The following ZCCHC10 variants were observed in gnomAD, a reference collection of about 807,000 sequenced individuals.
The protein encoded by ZCCHC10 is zinc finger CCHC-type containing 10.
In ZCCHC10, 16 loss-of-function variants were observed where a neutral mutation model predicts 19.5. The observed-to-expected ratio is 0.82, with a 90% CI of 0.56 to 1.25. The LOEUF (loss-of-function observed/expected upper bound fraction) is 1.25, where lower values mean the gene tolerates loss of function less well. Among genes scored for constraint, ZCCHC10 ranks in the 50% most tolerant of loss-of-function variants. ZCCHC10 has a pLI of 0.00. For missense variants in ZCCHC10, 197 were observed against 201.0 expected, an observed-to-expected ratio of 0.98 and a Z score of 0.12; for synonymous variants, 67 against 72.5, an observed-to-expected ratio of 0.92 and a Z score of 0.38.
At chr5:133,007,404 G>A (rs937658219) in intron 2 of ZCCHC10, among the ~76,000 whole-genome samples, 4 of 152,054 alleles carry the variant, frequency 2.6e-5, no homozygotes, top group Admixed American at 6.6e-5. Flanking sequence ...TTAGCCAAGC[G>A]TGGTGGTGGG....
chr5:133,008,343 G>A (rs1284717392), intron 2 of ZCCHC10, among the ~76,000 whole-genome samples: 1 of 149,352 alleles, frequency 6.7e-6, no homozygotes, highest in Admixed American at 6.7e-5. Flanking sequence ...TTTGAGACCA[G>A]CCTGGCCAAC....
At chr5:133,025,613 T>C (rs1235888880) in intron 1 of ZCCHC10, among the ~76,000 whole-genome samples, 1 of 151,810 alleles carries the variant, frequency 6.6e-6, no homozygotes, top group Admixed American at 6.6e-5. Context: ...TCATTAGGCG[T>C]AATGGCTATC....
At chr5:133,010,206 G>A (rs777773072) in intron 2 of ZCCHC10, among the ~76,000 whole-genome samples, 1 of 151,938 alleles carries the variant, frequency 6.6e-6, no homozygotes, top group Non-Finnish European at 1.5e-5. Flanking sequence ...ACACCACCAC[G>A]CACGGCTAAT....
Position 133,026,511 on chromosome 5 carries a change from T to C in ZCCHC10, c.27A>G (p.Ile9Met), listed in dbSNP as rs752415945. The stretch of plus-strand genomic sequence containing the variant: ...TCCTTACTTACGCTTGTCTCCGGGC[T>C]ATTAGCCGATGCATGGGAGTCGCCA... MATPMHRL[I>M]ARRQAFDTEL... is the part of the protein sequence containing the mutation. Residue 9 changes from isoleucine to methionine, a missense_variant, in exon 1 of 5, where the codon ATA becomes ATG. Physicochemically the swap from Ile to Met is conservative, Grantham distance 10. Coordinates refer to ENST00000509437, the MANE Select transcript of ZCCHC10 (RefSeq NM_001300816.3). 1 of 1,613,774 alleles carries C rather than the reference T, an allele frequency of 6.2e-7. No homozygotes were observed. The highest frequency in any genetic ancestry group is 1.1e-5 in the South Asian group (1 of 90,958).
chr5:133,006,976 C>A, intron 2 of ZCCHC10, 56 bp from the exon 3 acceptor site: 1 of 1,462,006 alleles, frequency 6.8e-7, no homozygotes, highest in Non-Finnish European at 9.1e-7. Flanking sequence ...GACTTTCACC[C>A]TAAAAACTAT....
chr5:133,025,348 CA>C (rs1395876882), intron 1 of ZCCHC10, among the ~76,000 whole-genome samples: 3 of 150,684 alleles, frequency 2.0e-5, no homozygotes, highest in African/African-American at 7.3e-5. Context: ...ACTAAAAATA[CA>C]AAAAACCAGC....
At chr5:133,022,414 G>T (rs369433858) in intron 2 of ZCCHC10, among the ~76,000 whole-genome samples, 2 of 151,540 alleles carry the variant, frequency 1.3e-5, no homozygotes, top group African/African-American at 4.8e-5. Flanking sequence ...TGACAATATA[G>T]AGAGAGATCC....
chr5:133,021,863 G>A (rs564278747), intron 2 of ZCCHC10, among the ~76,000 whole-genome samples: 10 of 150,572 alleles, frequency 6.6e-5, no homozygotes, highest in South Asian at 4.2e-4. Context: ...GTGTGATCTC[G>A]GCTCACTGCA....
intron 2 of ZCCHC10, among the ~76,000 whole-genome samples, chr5:133,020,395 G>A (rs1293773966): frequency 6.6e-6 from 1 of 151,636 alleles, no homozygotes; most frequent in Non-Finnish European, 1.5e-5. Flanking sequence ...AAGGAACCGA[G>A]ATCACGCCAC....
chr5:133,019,946 CA>C (rs1446799533), intron 2 of ZCCHC10, among the ~76,000 whole-genome samples: 1 of 120,320 alleles, frequency 8.3e-6, no homozygotes, highest in African/African-American at 3.8e-5. Flanking sequence ...AGTGAGACTC[CA>C]GCTCAAAAAA....
At chr5:133,013,103 A>C (rs1008424415) in intron 2 of ZCCHC10, among the ~76,000 whole-genome samples, 2 of 149,910 alleles carry the variant, frequency 1.3e-5, no homozygotes, top group African/African-American at 4.9e-5. Context: ...ATAAAAATAC[A>C]AAAAATTAGC....
intron 2 of ZCCHC10, 57 bp from the exon 3 acceptor site, chr5:133,006,977 TA>T: frequency 7.0e-7 from 1 of 1,434,682 alleles, no homozygotes. Flanking sequence ...ACTTTCACCC[TA>T]AAAACTATAA....
intron 2 of ZCCHC10, among the ~76,000 whole-genome samples, chr5:133,013,986 TTCTAAC>T (rs1456930797): frequency 2.0e-5 from 3 of 152,084 alleles, no homozygotes; most frequent in Admixed American, 1.3e-4. Flanking sequence ...TACAGAAAAG[TTCTAAC>T]TCTGTTTCAA....
At chr5:133,024,333 T>A (rs1215790957) in intron 1 of ZCCHC10, among the ~76,000 whole-genome samples, 1 of 152,064 alleles carries the variant, frequency 6.6e-6, no homozygotes, top group Non-Finnish European at 1.5e-5. Flanking sequence ...GAATAAGATC[T>A]CTAAATCAAT....
Position 132,997,264 on chromosome 5 carries a change from T to C in ZCCHC10, c.*1319A>G, listed in dbSNP as rs1220164553. On this transcript the variant is annotated 3_prime_UTR_variant, in exon 5 of 5. Transcript: ENST00000509437. ...TTACAGGCTCCTTAAACTCACAACA[T>C]ACATATATTTCAATATTTAAATAGC... 1 of 152,218 alleles carries C rather than the reference T, an allele frequency of 6.6e-6. No homozygotes were observed. The highest frequency in any genetic ancestry group is 1.5e-5 in the Non-Finnish European group (1 of 68,032). The allele number at this position is 152,218 out of a possible 1,614,324, so 9.4% of individuals were successfully genotyped here.
intron 3 of ZCCHC10, among the ~76,000 whole-genome samples, chr5:133,005,215 G>A (rs182835729): frequency 1.3e-5 from 2 of 152,002 alleles, no homozygotes. Context: ...ACAATCACAT[G>A]AACCTGGGAA....
chr5:133,007,661 A>C (rs1284507711), intron 2 of ZCCHC10, among the ~76,000 whole-genome samples: 1 of 151,992 alleles, frequency 6.6e-6, no homozygotes, highest in Non-Finnish European at 1.5e-5. Context: ...CATGATTGTG[A>C]GGCCTCCCCA....
At chr5:133,010,098 G>C (rs1452177318) in intron 2 of ZCCHC10, among the ~76,000 whole-genome samples, 1 of 145,196 alleles carries the variant, frequency 6.9e-6, no homozygotes, top group African/African-American at 2.6e-5. Context: ...GCCCAGGCTA[G>C]AGTGTAGTGG....
At chr5:133,000,644 CT>C (rs200042984) in intron 3 of ZCCHC10, among the ~76,000 whole-genome samples, 7,371 of 134,450 alleles carry the variant, frequency 0.055, 286 homozygotes, top group African/African-American at 0.14. Flanking sequence ...CCGTTATTTA[CT>C]TTTTTTTTTT....
Sources: allele counts gnomAD v4.1 joint callset (sites outside exome capture counted in the v4.1 genomes callset), GRCh38; gene constraint gnomAD v4.1.1; transcripts MANE v1.5; gene names NCBI Gene and HGNC (gene_info 2026-07-23, HGNC 2026-07-21).